PCDHGA6: variants seen among roughly 807,000 people sequenced by gnomAD.
PCDHGA6 encodes the protein protocadherin gamma subfamily A, 6.
PCDHGA6 carries 41 observed loss-of-function variants against 60.6 expected under a neutral mutation model. The observed-to-expected ratio is 0.68, with a 90% CI of 0.53 to 0.88. The LOEUF (loss-of-function observed/expected upper bound fraction) is 0.88. Ranked by LOEUF, PCDHGA6 falls within the 40% of genes least tolerant of loss-of-function variation. PCDHGA6 has a pLI of 0.00. For missense variants in PCDHGA6, 1,312 were observed against 1,203.0 expected, an observed-to-expected ratio of 1.09 and a Z score of -1.34; for synonymous variants, 594 against 524.4, an observed-to-expected ratio of 1.13 and a Z score of -1.81.
rs1224515106 is a variant in PCDHGA6 at position 141,491,453 on chromosome 5, C to T, written c.2425-3354C>T. On this transcript the variant is annotated intron_variant, in intron 1 of 3. Transcript: ENST00000517434. The surrounding 1 kb of genome is among the most constrained non-coding windows in gnomAD (Gnocchi z 6.9). ...TGCTGCAGGCGCCAGGACTCACCCT[C>T]CCCGGACTTCTATAAGCAGTCCAGC... The T allele has an allele frequency of 6.2e-6, 10 of 1,614,120 alleles. No homozygotes were observed. The highest frequency in any genetic ancestry group is 8.5e-6 in the Non-Finnish European group (10 of 1,180,028).
intron 1 of PCDHGA6, among the ~76,000 whole-genome samples, chr5:141,451,067 A>G (rs948528671): frequency 6.6e-6 from 1 of 151,848 alleles, no homozygotes; most frequent in African/African-American, 2.4e-5. Flanking sequence ...TGACCTTGTG[A>G]TCCACCCACC....
intron 1 of PCDHGA6, among the ~76,000 whole-genome samples, chr5:141,449,229 A>G (rs1356585763): frequency 1.3e-5 from 2 of 152,142 alleles, no homozygotes; most frequent in South Asian, 2.1e-4. Context: ...AATGATTTCA[A>G]ATTTTCAAAG....
intron 1 of PCDHGA6, among the ~76,000 whole-genome samples, chr5:141,446,482 C>CT (rs112180482): frequency 6.3e-4 from 92 of 147,004 alleles, no homozygotes; most frequent in East Asian, 4.0e-3. Context: ...GGTCATCATT[C>CT]TTTTTTTTTT....
intron 1 of PCDHGA6, chr5:141,439,845 T>C (rs983341549): frequency 6.6e-6 from 1 of 152,252 alleles, no homozygotes; most frequent in Non-Finnish European, 1.5e-5. Flanking sequence ...ACTCTAACTG[T>C]GGAAAAGGTG....
At chr5:141,496,236 C>T (rs1290509264) in intron 2 of PCDHGA6, among the ~76,000 whole-genome samples, 7 of 152,138 alleles carry the variant, frequency 4.6e-5, no homozygotes, top group Middle Eastern at 3.2e-3. Flanking sequence ...GAACCCCCTG[C>T]GGGCTGAAGG....
At chr5:141,418,147 C>A (rs781655205) in intron 1 of PCDHGA6, 3 of 1,614,040 alleles carry the variant, frequency 1.9e-6, no homozygotes, top group Non-Finnish European at 2.5e-6. Flanking sequence ...AGCAAATATG[C>A]AAAGAGAGAA....
rs770828917 is a variant in PCDHGA6 at position 141,431,306 on chromosome 5, C to G, written c.2424+54799C>G. ...GAACACTCACTTCTCCCTCATCGTG[C>G]AAAATGGAGCCGACGGTAGTAAGTA... On this transcript the variant is annotated intron_variant, in intron 1 of 3. Transcript: ENST00000517434. The surrounding 1 kb of genome is among the most constrained non-coding windows in gnomAD (Gnocchi z 4.8). 6.2e-7 allele frequency: 1 copy of G among 1,614,124 alleles called. No homozygotes were observed. The highest frequency in any genetic ancestry group is 2.2e-5 in the East Asian group (1 of 44,878).
At position 141,476,638 on chromosome 5, in the gene PCDHGA6, G is replaced by A. The variant is rs997136356; in HGVS notation, c.2425-18169G>A. On this transcript the variant is annotated intron_variant, in intron 1 of 3. Transcript: ENST00000517434. This position sits in a 1 kb window ranked among gnomAD's most constrained non-coding sequence, Gnocchi z 7.6. ...GCAACTCTTTACAAACCTATGAGCT[G>A]AGCCGAAATGAATACTTTGCGCTTC... 1.9e-6 allele frequency: 3 copies of A among 1,614,268 alleles called. No homozygotes were observed. Among genetic ancestry groups the A allele is most frequent in the Middle Eastern group, 1.6e-4 (1 of 6,062 alleles).
intron 1 of PCDHGA6, chr5:141,379,443 G>A (rs995348151): frequency 2.6e-5 from 4 of 152,168 alleles, no homozygotes; most frequent in African/African-American, 9.7e-5. Flanking sequence ...TTATACATAT[G>A]ATTATTTCAT....
At chr5:141,488,385 G>A (rs917106670) in intron 1 of PCDHGA6, among the ~76,000 whole-genome samples, 11 of 152,164 alleles carry the variant, frequency 7.2e-5, no homozygotes, top group Non-Finnish European at 1.5e-5. Context: ...TCCTGAATTT[G>A]GTGAAACCAT....
intron 2 of PCDHGA6, among the ~76,000 whole-genome samples, chr5:141,500,187 TA>T (rs56304898): frequency 0.051 from 5,679 of 110,700 alleles, 126 homozygotes; most frequent in Middle Eastern, 0.14. Flanking sequence ...TTTTTATTTT[TA>T]TTTATTTATT....
Position 141,485,302 on chromosome 5 carries a change from T to C in PCDHGA6, c.2425-9505T>C. 1.2e-6 allele frequency: 2 copies of C among 1,614,152 alleles called. No homozygotes were observed. Among genetic ancestry groups the C allele is most frequent in the South Asian group, 2.2e-5 (2 of 91,078 alleles). On this transcript the variant is annotated intron_variant, in intron 1 of 3. Coordinates refer to ENST00000517434, the MANE Select transcript of PCDHGA6 (RefSeq NM_018919.3). This position sits in a 1 kb window ranked among gnomAD's most constrained non-coding sequence, Gnocchi z 5.7. ...TCCCAGAGGAGTCACAGGAAGGGAC[T>C]TTTGTAGGGAATGTCGCTCAAGATT... is the stretch of plus-strand genomic sequence containing the variant.
chr5:141,477,087 C>T lies in PCDHGA6; in HGVS notation c.2425-17720C>T, dbSNP rs748424193. ...AAACTCCATGAGATTTACATCCAGG[C>T]CAAAGACAAGGGCGCCAATCCCGAA... On this transcript the variant is annotated intron_variant, in intron 1 of 3. Coordinates refer to ENST00000517434, the MANE Select transcript of PCDHGA6 (RefSeq NM_018919.3). The surrounding 1 kb of genome is among the most constrained non-coding windows in gnomAD (Gnocchi z 4.9). The T allele has an allele frequency of 1.2e-6, 2 of 1,614,244 alleles. No individual in the cohort carries two copies. Among genetic ancestry groups the T allele is most frequent in the Admixed American group, 3.3e-5 (2 of 60,032 alleles).
chr5:141,410,063 C>A lies in PCDHGA6; in HGVS notation c.2424+33556C>A. 1.9e-6 allele frequency: 3 copies of A among 1,612,972 alleles called. No homozygotes were observed. The South Asian group carries it at 3.3e-5, about 18-fold the overall frequency. On this transcript the variant is annotated intron_variant, in intron 1 of 3. Coordinates refer to ENST00000517434, the MANE Select transcript of PCDHGA6 (RefSeq NM_018919.3). ...TGAGCCCGGACTCTTCAGCCTGGGG[C>A]TGCGCACTGGGGAGGTGCGCACGGC...
chr5:141,415,740 GT>G (rs57426385), intron 1 of PCDHGA6: 12,894 of 617,008 alleles, frequency 0.021, 1 homozygote, highest in South Asian at 0.027. Flanking sequence ...GTTTATTAAG[GT>G]TTTTTTTTTT....
chr5:141,487,162 G>T lies in PCDHGA6; in HGVS notation c.2425-7645G>T, dbSNP rs2099640627. 6.2e-7 allele frequency: 1 copy of T among 1,613,496 alleles called. No individual in the cohort carries two copies. Among genetic ancestry groups the T allele is most frequent in the African/African-American group, 1.3e-5 (1 of 75,026 alleles). On this transcript the variant is annotated intron_variant, in intron 1 of 3. Transcript: ENST00000517434. This position sits in a 1 kb window ranked among gnomAD's most constrained non-coding sequence, Gnocchi z 5.0. ...TCTCTACCTCTGTTACTCTCTTAGTGTCCTTAGAGGAAGACACTCATCCAG... is the reference window on the plus strand; with the variant it reads ...TCTCTACCTCTGTTACTCTCTTAGTTTCCTTAGAGGAAGACACTCATCCAG...
chr5:141,442,751 T>G (rs756672976), intron 1 of PCDHGA6, among the ~76,000 whole-genome samples: 1 of 152,196 alleles, frequency 6.6e-6, no homozygotes, highest in Non-Finnish European at 1.5e-5. Context: ...CATGTTTTGA[T>G]TATATATATT....
intron 1 of PCDHGA6, chr5:141,415,641 TAAA>T: frequency 7.8e-7 from 1 of 1,280,840 alleles, no homozygotes; most frequent in African/African-American, 1.5e-5. Context: ...TTACTTTTGT[TAAA>T]AAAAAAAAGA....
chr5:141,382,462 T>C (rs1481999551), intron 1 of PCDHGA6, among the ~76,000 whole-genome samples: 24 of 152,240 alleles, frequency 1.6e-4, no homozygotes, highest in Admixed American at 1.6e-3. Flanking sequence ...AGCAGTTTTT[T>C]AAAAATTATC....
Sources: gnomAD v4.1 joint callset for allele counts (sites outside exome capture counted in the v4.1 genomes callset) on GRCh38, gnomAD v4.1.1 for gene constraint, Gnocchi (gnomAD v3.1) non-coding constraint, MANE v1.5 for transcripts, NCBI Gene and HGNC (gene_info 2026-07-23, HGNC 2026-07-21) for gene names.